ZNF385B: variants seen among roughly 807,000 people sequenced by gnomAD.
ZNF385B encodes the protein zinc finger protein 533.
Under a neutral mutation model 39.2 loss-of-function variants are expected in ZNF385B, and 23 were observed. That is an observed-to-expected ratio of 0.59 (90% CI 0.42 to 0.83). The LOEUF (loss-of-function observed/expected upper bound fraction) is 0.83, where lower values mean the gene tolerates loss of function less well. Ranked by LOEUF, ZNF385B falls within the 40% of genes least tolerant of loss-of-function variation. The pLI is 0.00. For missense variants in ZNF385B, 552 were observed against 598.9 expected (o/e 0.92, Z 0.82); for synonymous variants, 205 against 222.6 (o/e 0.92, Z 0.70).
intron 3 of ZNF385B, among the ~76,000 whole-genome samples, chr2:179,547,687 T>C (rs1052731944): frequency 1.3e-5 from 2 of 149,674 alleles, no homozygotes; most frequent in Non-Finnish European, 3.0e-5. Flanking sequence ...TAGAATAGCT[T>C]TGGCTATTCT....
At chr2:179,523,131 T>C (rs1323996676) in intron 4 of ZNF385B, among the ~76,000 whole-genome samples, 1 of 152,084 alleles carries the variant, frequency 6.6e-6, no homozygotes, top group Non-Finnish European at 1.5e-5. Flanking sequence ...AATTAACTGG[T>C]AGGTAATAAA....
In ZNF385B at chr2:179,790,300, C is replaced by T. The variant is rs76612384; in HGVS notation, c.-154-19628G>A. 2.5e-3 allele frequency among the ~76,000 whole-genome samples: 377 copies of T among 152,228 alleles called. 10 individuals carry two copies. In the East Asian group the frequency reaches 0.051, roughly 21 times the overall value. ...ACCCTGCACTACCACTCAAGCTCAC[C>T]CCTGAATTAATTCACATTGTTGTTA... is the stretch of plus-strand genomic sequence containing the variant. On this transcript the variant is annotated intron_variant, in intron 1 of 9. Transcript: ENST00000410066.
chr2:179,484,994 A>T (rs1255535123), intron 5 of ZNF385B, among the ~76,000 whole-genome samples: 1 of 152,164 alleles, frequency 6.6e-6, no homozygotes, highest in Non-Finnish European at 1.5e-5. Context: ...ACATGAGGTT[A>T]AGGAAACTAG....
intron 1 of ZNF385B, among the ~76,000 whole-genome samples, chr2:179,830,935 T>C (rs1707949178): frequency 6.6e-6 from 1 of 152,108 alleles, no homozygotes; most frequent in Non-Finnish European, 1.5e-5. Context: ...TTGCTAACAA[T>C]AAGGGAAACT....
intron 3 of ZNF385B, among the ~76,000 whole-genome samples, chr2:179,616,383 G>A (rs1689736636): frequency 6.6e-6 from 1 of 152,126 alleles, no homozygotes; most frequent in South Asian, 2.1e-4. Flanking sequence ...ACCCAGGCTG[G>A]AGTGCAGTGG....
At position 179,446,712 on chromosome 2, in the gene ZNF385B, G is replaced by A. The variant is rs891405162; in HGVS notation, c.774C>T (p.Gly258=). 6.2e-7 allele frequency: 1 copy of A among 1,614,062 alleles called. No individual in the cohort carries two copies. Among genetic ancestry groups the A allele is most frequent in the Non-Finnish European group, 8.5e-7 (1 of 1,179,972 alleles). ...SSSQPSSSES[G]SFLLKSGTTP... ...TTGTGCCAGATTTGAGGAGAAATGA[G>A]CCACTTTCAGAGCTTGATGGCTGAC... The change falls in exon 7 of 10, where the codon GGC becomes GGT. Residue 258 remains glycine (G), a synonymous_variant. Transcript: ENST00000410066.
chr2:179,557,481 T>C (rs964676476), intron 3 of ZNF385B, among the ~76,000 whole-genome samples: 1 of 149,884 alleles, frequency 6.7e-6, no homozygotes, highest in Non-Finnish European at 1.5e-5. Context: ...TTTTATTACA[T>C]ATATAAAACA....
chr2:179,680,677 T>C (rs1163337960), intron 3 of ZNF385B, among the ~76,000 whole-genome samples: 1 of 152,188 alleles, frequency 6.6e-6, no homozygotes, highest in Non-Finnish European at 1.5e-5. Context: ...TCTTCTTTTT[T>C]GACTTTCCTT....
intron 6 of ZNF385B, among the ~76,000 whole-genome samples, chr2:179,453,688 T>G (rs985402815): frequency 2.6e-5 from 4 of 152,296 alleles, no homozygotes; most frequent in African/African-American, 9.6e-5. Context: ...AAGATTTCTT[T>G]GGGCCAACAG....
At chr2:179,572,355 G>C (rs1292470011) in intron 3 of ZNF385B, among the ~76,000 whole-genome samples, 1 of 152,040 alleles carries the variant, frequency 6.6e-6, no homozygotes, top group Non-Finnish European at 1.5e-5. Context: ...CCTCGTGAAG[G>C]GTTTACCTGA....
intron 1 of ZNF385B, among the ~76,000 whole-genome samples, chr2:179,850,075 A>G (rs1341642407): frequency 6.6e-6 from 1 of 152,168 alleles, no homozygotes; most frequent in Admixed American, 6.5e-5. Context: ...GGCATATAGT[A>G]GGTGTTTAAT....
intron 5 of ZNF385B, among the ~76,000 whole-genome samples, chr2:179,488,587 G>A (rs2054867854): frequency 6.6e-6 from 1 of 152,202 alleles, no homozygotes; most frequent in African/African-American, 2.4e-5. Flanking sequence ...TGGCCCTGGA[G>A]AAAGTACTTA....
intron 3 of ZNF385B, among the ~76,000 whole-genome samples, chr2:179,704,601 G>T (rs914269316): frequency 6.6e-6 from 1 of 152,184 alleles, no homozygotes; most frequent in Non-Finnish European, 1.5e-5. Flanking sequence ...AAATGAAGAA[G>T]GTAGACTGGA....
rs544583627 is a variant in ZNF385B at position 179,577,078 on chromosome 2, T to C, written c.299-32109A>G. Among the ~76,000 whole-genome samples, 157 of 152,254 alleles carry C rather than the reference T, an allele frequency of 1.0e-3. 1 individual carries two copies. The highest frequency in any genetic ancestry group is 3.4e-3 in the Middle Eastern group (1 of 294). Reference sequence around the variant, plus strand: ...AAAAATATATTGAGGCAGTAGAAAGTATCATTATCTGCAAATGAATATTTG... The same window carrying C: ...AAAAATATATTGAGGCAGTAGAAAGCATCATTATCTGCAAATGAATATTTG... On this transcript the variant is annotated intron_variant, in intron 3 of 9. Coordinates refer to ENST00000410066, the MANE Select transcript of ZNF385B (RefSeq NM_152520.6).
chr2:179,553,389 G>A (rs2060704127), intron 3 of ZNF385B, among the ~76,000 whole-genome samples: 1 of 148,970 alleles, frequency 6.7e-6, no homozygotes, highest in African/African-American at 2.5e-5. Context: ...CAGGGATTAT[G>A]AACTGTGTCA....
At chr2:179,535,643 T>C (rs1438252522) in intron 4 of ZNF385B, among the ~76,000 whole-genome samples, 1 of 152,242 alleles carries the variant, frequency 6.6e-6, no homozygotes, top group Non-Finnish European at 1.5e-5. Context: ...GATACTAGAA[T>C]TTCATGAAAA....
intron 3 of ZNF385B, among the ~76,000 whole-genome samples, chr2:179,615,769 G>A (rs753955795): frequency 6.6e-6 from 1 of 152,182 alleles, no homozygotes; most frequent in East Asian, 1.9e-4. Flanking sequence ...GAATCAGACT[G>A]TCTGGGCTGG....
intron 1 of ZNF385B, among the ~76,000 whole-genome samples, chr2:179,807,260 A>G (rs999999837): frequency 6.6e-6 from 1 of 152,238 alleles, no homozygotes; most frequent in African/African-American, 2.4e-5. Context: ...TACTAGCTGT[A>G]TCATAGATAA....
At chr2:179,749,045 A>C (rs1350559013) in intron 3 of ZNF385B, among the ~76,000 whole-genome samples, 1 of 152,092 alleles carries the variant, frequency 6.6e-6, no homozygotes, top group Non-Finnish European at 1.5e-5. Context: ...TTTTTTGACA[A>C]TACAACATAA....
Sources: gnomAD v4.1 joint callset for allele counts (sites outside exome capture counted in the v4.1 genomes callset) on GRCh38, gnomAD v4.1.1 for gene constraint, MANE v1.5 for transcripts, NCBI Gene and HGNC (gene_info 2026-07-23, HGNC 2026-07-21) for gene names.